The following PANK1 variants were observed in gnomAD, a reference collection of about 807,000 sequenced individuals.
PANK1 encodes pantothenate kinase 1.
In PANK1, 18 loss-of-function variants were observed where a neutral mutation model predicts 40.1. The ratio of observed to expected loss-of-function variants is 0.45; its 90% CI spans 0.31 to 0.67. The LOEUF is 0.67. Among genes scored for constraint, PANK1 ranks in the 30% least tolerant of loss-of-function variants. PANK1 has a pLI of 0.06. For missense variants in PANK1, 457 were observed against 599.6 expected, an observed-to-expected ratio of 0.76 and a Z score of 2.48; for synonymous variants, 242 against 237.7, an observed-to-expected ratio of 1.02 and a Z score of -0.17.
rs548954986 is a variant in PANK1, at chr10:89,610,389, G to A, written c.645+1307C>T. ...CTTTGATCATGAGCCTCTTTGGTGA[G>A]AAAAGGATTCTGTGGGTCATTTAAG... On this transcript the variant is annotated intron_variant, in intron 2 of 6. Transcript: ENST00000307534. Among the ~76,000 whole-genome samples the A allele has an allele frequency of 2.0e-5, 3 of 152,070 alleles. No individual in the cohort carries two copies. The South Asian group carries it at 6.2e-4, about 32-fold the overall frequency.
chr10:89,634,096 G>C (rs1472912691), intron 1 of PANK1, among the ~76,000 whole-genome samples: 1 of 152,182 alleles, frequency 6.6e-6, no homozygotes, highest in Non-Finnish European at 1.5e-5. Flanking sequence ...AGAAGTTATA[G>C]GGAGACAGAT....
Position 89,631,170 on chromosome 10 carries a change from G to A in PANK1, c.292+13430C>T, listed in dbSNP as rs572961046. On this transcript the variant is annotated intron_variant, in intron 1 of 6. Coordinates refer to ENST00000307534, the MANE Select transcript of PANK1 (RefSeq NM_148977.3). ...TAAATTATTAGAATATGTTAAATGAGACTCCCTTGTCAAAGAAGGCAACGA... is the reference window on the plus strand; with the variant it reads ...TAAATTATTAGAATATGTTAAATGAAACTCCCTTGTCAAAGAAGGCAACGA... Among the ~76,000 whole-genome samples, 158 of 152,244 alleles carry A rather than the reference G, an allele frequency of 1.0e-3. No homozygotes were observed. In the Middle Eastern group the frequency reaches 0.021, roughly 20 times the overall value.
At chr10:89,614,207 G>T (rs1489578791) in intron 1 of PANK1, among the ~76,000 whole-genome samples, 1 of 152,160 alleles carries the variant, frequency 6.6e-6, no homozygotes, top group African/African-American at 2.4e-5. Context: ...GCCTACACTG[G>T]ATAGGATGGG....
At chr10:89,601,926 A>G (rs1247952530) in intron 2 of PANK1, among the ~76,000 whole-genome samples, 1 of 152,232 alleles carries the variant, frequency 6.6e-6, no homozygotes. Flanking sequence ...CTTACAGCAC[A>G]GGTCACATTC....
At chr10:89,625,086 G>A (rs1439732251) in intron 1 of PANK1, among the ~76,000 whole-genome samples, 1 of 152,144 alleles carries the variant, frequency 6.6e-6, no homozygotes, top group Non-Finnish European at 1.5e-5. Flanking sequence ...TTTTTTGGTA[G>A]AGATGGGGTT....
intron 1 of PANK1, chr10:89,643,848 CATTATAT>C (rs1021311334): frequency 2.3e-5 from 35 of 1,538,784 alleles, no homozygotes; most frequent in Admixed American, 1.0e-4. Context: ...TACAAACTAC[CATTATAT>C]ATACAAGCTT....
intron 2 of PANK1, among the ~76,000 whole-genome samples, chr10:89,609,015 C>T (rs1367066309): frequency 1.3e-5 from 2 of 152,152 alleles, no homozygotes; most frequent in East Asian, 3.9e-4. Flanking sequence ...TCTTCTTTGC[C>T]CTGGTTTTTT....
intron 1 of PANK1, among the ~76,000 whole-genome samples, chr10:89,641,727 G>C (rs150473218): frequency 1.4e-5 from 2 of 146,168 alleles, no homozygotes; most frequent in Non-Finnish European, 3.0e-5. Context: ...GCGAGAATCC[G>C]TCTCAAAATA....
chr10:89,617,997 A>G (rs1048451130), intron 1 of PANK1, among the ~76,000 whole-genome samples: 1 of 152,232 alleles, frequency 6.6e-6, no homozygotes, highest in African/African-American at 2.4e-5. Flanking sequence ...TCAGGCTCCA[A>G]CGCAGGCATA....
At chr10:89,593,472 T>TATGC in intron 4 of PANK1, 152 bp from the exon 5 acceptor site, 2 of 836,298 alleles carry the variant, frequency 2.4e-6, no homozygotes, top group South Asian at 3.7e-5. Flanking sequence ...AGAATTATAG[T>TATGC]ATGCATGGCT....
At chr10:89,585,710 C>T (rs563955811) in intron 6 of PANK1, among the ~76,000 whole-genome samples, 9 of 152,286 alleles carry the variant, frequency 5.9e-5, no homozygotes, top group Non-Finnish European at 1.3e-4. Flanking sequence ...TCTTAACTAC[C>T]TGGCTAGATG....
chr10:89,588,939 C>T (rs1413643207), intron 5 of PANK1, among the ~76,000 whole-genome samples, 162 bp from the exon 6 acceptor site: 1 of 152,096 alleles, frequency 6.6e-6, no homozygotes, highest in African/African-American at 2.4e-5. Context: ...TTAAACCAAC[C>T]TTATAGTGCA....
At chr10:89,624,440 A>G (rs2133985191) in intron 1 of PANK1, among the ~76,000 whole-genome samples, 1 of 152,346 alleles carries the variant, frequency 6.6e-6, no homozygotes, top group South Asian at 2.1e-4. Context: ...GGGGCCCATG[A>G]AGGCAAAAGT....
intron 5 of PANK1, among the ~76,000 whole-genome samples, chr10:89,589,266 A>G (rs1452290529): frequency 6.6e-6 from 1 of 152,344 alleles, no homozygotes; most frequent in East Asian, 1.9e-4. Flanking sequence ...AAGAATACTC[A>G]GTCTCTGCCC....
intron 1 of PANK1, among the ~76,000 whole-genome samples, chr10:89,627,108 G>A (rs1410478292): frequency 1.3e-5 from 2 of 152,008 alleles, no homozygotes; most frequent in Non-Finnish European, 2.9e-5. Context: ...TATGCCAACT[G>A]CTCACATGGC....
intron 5 of PANK1, among the ~76,000 whole-genome samples, chr10:89,591,038 A>C (rs1589759497): frequency 6.6e-6 from 1 of 151,070 alleles, no homozygotes; most frequent in South Asian, 2.1e-4. Flanking sequence ...ACATATGTTT[A>C]TGAATTTTCT....
At chr10:89,593,678 C>G (rs1844476887) in intron 4 of PANK1, 135 bp downstream of exon 4, 1 of 698,858 alleles carries the variant, frequency 1.4e-6, no homozygotes, top group Admixed American at 2.2e-5. Context: ...GGCAGGAGAT[C>G]AAGTCTGAGC....
At position 89,594,652 on chromosome 10, in the gene PANK1, T is replaced by C. The variant is rs551965714; in HGVS notation, c.900-663A>G. ...CTCCAGAAGGTTTTTAGTATATTAC[T>C]TACCACTCCATAGTAAAAAACAGTA... On this transcript the variant is annotated intron_variant, in intron 3 of 6. Coordinates refer to ENST00000307534, the MANE Select transcript of PANK1 (RefSeq NM_148977.3). 2.7e-4 allele frequency among the ~76,000 whole-genome samples: 41 copies of C among 152,334 alleles called. 2 individuals carry two copies. In the East Asian group the frequency reaches 6.9e-3, roughly 26 times the overall value.
chr10:89,628,897 C>A (rs556766547), intron 1 of PANK1, among the ~76,000 whole-genome samples: 1 of 152,114 alleles, frequency 6.6e-6, no homozygotes, highest in Non-Finnish European at 1.5e-5. Flanking sequence ...TGTAAACATG[C>A]GCTTCCCAGG....
Sources: gnomAD v4.1 joint callset for allele counts (sites outside exome capture counted in the v4.1 genomes callset) on GRCh38, gnomAD v4.1.1 for gene constraint, MANE v1.5 for transcripts, NCBI Gene and HGNC (gene_info 2026-07-23, HGNC 2026-07-21) for gene names.